PPP3CA: variants seen among roughly 807,000 people sequenced by gnomAD.
PPP3CA encodes protein phosphatase 3 catalytic subunit alpha, also known as CAM-PRP catalytic subunit.
A neutral mutation model predicts 66.5 loss-of-function variants in PPP3CA; 14 were observed. The observed-to-expected ratio is 0.21, with a 90% CI of 0.14 to 0.33. PPP3CA has a LOEUF of 0.33. Among genes scored for constraint, PPP3CA ranks in the 10% least tolerant of loss-of-function variants. The pLI, the probability that PPP3CA is intolerant of heterozygous loss-of-function variation, is 1.00. For synonymous variants in PPP3CA, 232 were observed against 226.2 expected, an observed-to-expected ratio of 1.03 and a Z score of -0.23; for missense variants, 317 against 639.5, an observed-to-expected ratio of 0.50 and a Z score of 5.44.
At chr4:101,079,736 T>A (rs1268148835) in intron 8 of PPP3CA, among the ~76,000 whole-genome samples, 1 of 152,242 alleles carries the variant, frequency 6.6e-6, no homozygotes, top group Non-Finnish European at 1.5e-5. Flanking sequence ...GTGACACATG[T>A]GGAACACTTT....
chr4:101,251,149 A>G (rs1419545970), intron 1 of PPP3CA, among the ~76,000 whole-genome samples: 1 of 151,994 alleles, frequency 6.6e-6, no homozygotes, highest in African/African-American at 2.4e-5. Flanking sequence ...CTTAGCTCTC[A>G]TGGGCTCATA....
rs1436141239 is a variant in PPP3CA, at chr4:101,023,934, ACT to A, written c.*1929_*1930del. On this transcript the variant is annotated 3_prime_UTR_variant, in exon 14 of 14. Transcript: ENST00000394854. ...CAAATTTCTTGTTAATACAAATGCA[ACT>A]CTTTTCTGTGATGAAAATGCACTTA... The A allele has an allele frequency of 3.3e-5, 5 of 152,510 alleles. No homozygotes were observed. Among genetic ancestry groups the A allele is most frequent in the Non-Finnish European group, 7.4e-5 (5 of 68,004 alleles). 9.4% of individuals were successfully genotyped at this position (152,510 alleles called of 1,614,324 possible).
chr4:101,049,091 A>T (rs2141145), intron 10 of PPP3CA, among the ~76,000 whole-genome samples: 81,458 of 151,894 alleles, frequency 0.54, 22,474 homozygotes, highest in East Asian at 0.88. Context: ...AATGCCCAAT[A>T]ACTGTCATTA....
chr4:101,077,785 G>A (rs1729254404), intron 8 of PPP3CA, among the ~76,000 whole-genome samples: 1 of 149,360 alleles, frequency 6.7e-6, no homozygotes, highest in African/African-American at 2.5e-5. Flanking sequence ...CACAGTGAAA[G>A]AACTACAAAA....
chr4:101,127,584 G>A (rs542996753), intron 2 of PPP3CA, among the ~76,000 whole-genome samples: 39 of 152,210 alleles, frequency 2.6e-4, no homozygotes, highest in African/African-American at 6.0e-4. Context: ...AGAAGGCCCC[G>A]CCTACATCCT....
intron 2 of PPP3CA, among the ~76,000 whole-genome samples, chr4:101,133,899 T>C (rs1033427657): frequency 8.5e-5 from 13 of 152,068 alleles, no homozygotes; most frequent in Non-Finnish European, 1.8e-4. Context: ...AAAACAGATA[T>C]ATAGACCAAT....
At chr4:101,345,788 T>TTATCA (rs1462678275) in intron 1 of PPP3CA, among the ~76,000 whole-genome samples, 3 of 152,102 alleles carry the variant, frequency 2.0e-5, no homozygotes, top group Non-Finnish European at 4.4e-5. Flanking sequence ...TGCCAGGAGT[T>TTATCA]TATCATCCCG....
intron 2 of PPP3CA, among the ~76,000 whole-genome samples, chr4:101,143,226 C>T (rs1722865901): frequency 6.6e-6 from 1 of 152,166 alleles, no homozygotes; most frequent in Non-Finnish European, 1.5e-5. Context: ...TTTATTCCTA[C>T]CTAAAGCTAA....
chr4:101,085,001 T>C (rs1204028738), intron 6 of PPP3CA, among the ~76,000 whole-genome samples: 1 of 152,066 alleles, frequency 6.6e-6, no homozygotes, highest in Non-Finnish European at 1.5e-5. Context: ...AAAGTGAATA[T>C]ACGACCTTTC....
chr4:101,076,534 A>G (rs946430026), intron 8 of PPP3CA, among the ~76,000 whole-genome samples: 1 of 152,370 alleles, frequency 6.6e-6, no homozygotes, highest in East Asian at 1.9e-4. Context: ...GACCACCAAC[A>G]GAAGTCTTTA....
At chr4:101,259,379 G>A (rs1223949337) in intron 1 of PPP3CA, among the ~76,000 whole-genome samples, 1 of 151,774 alleles carries the variant, frequency 6.6e-6, no homozygotes, top group Non-Finnish European at 1.5e-5. Context: ...TCCACAATGA[G>A]CCTGGATGCC....
chr4:101,061,419 A>C (rs1728455972), intron 9 of PPP3CA, among the ~76,000 whole-genome samples: 1 of 152,118 alleles, frequency 6.6e-6, no homozygotes, highest in African/African-American at 2.4e-5. Flanking sequence ...GACAAATCAA[A>C]TATGTGGATG....
chr4:101,072,273 T>C (rs1373789720), intron 8 of PPP3CA, among the ~76,000 whole-genome samples: 2 of 152,188 alleles, frequency 1.3e-5, no homozygotes, highest in African/African-American at 4.8e-5. Context: ...CTTTTCTTAT[T>C]GAAGAATGGT....
chr4:101,321,981 A>G (rs1729054296), intron 1 of PPP3CA, among the ~76,000 whole-genome samples: 1 of 152,202 alleles, frequency 6.6e-6, no homozygotes, highest in Non-Finnish European at 1.5e-5. Context: ...AACTCCAATT[A>G]AGAATAAGAA....
At chr4:101,215,384 C>T (rs1366474111) in intron 1 of PPP3CA, among the ~76,000 whole-genome samples, 1 of 151,968 alleles carries the variant, frequency 6.6e-6, no homozygotes, top group Non-Finnish European at 1.5e-5. Flanking sequence ...CAGGTTTTTA[C>T]CAAAACACAG....
rs142110291 is a variant in PPP3CA, at chr4:101,294,730, T to C, written c.58+52009A>G. Among the ~76,000 whole-genome samples the C allele has an allele frequency of 4.0e-3, 605 of 150,926 alleles. 5 individuals carry two copies. The highest frequency in any genetic ancestry group is 0.021 in the East Asian group (108 of 5,112). On this transcript the variant is annotated intron_variant, in intron 1 of 13. Transcript: ENST00000394854. ...TGATAATTCTGTGTTGTGGGGGGAGTTCTATGCATTGTAGGATGTTTGGCA... is the reference window on the plus strand; with the variant it reads ...TGATAATTCTGTGTTGTGGGGGGAGCTCTATGCATTGTAGGATGTTTGGCA...
chr4:101,345,723 C>A (rs1729961697), intron 1 of PPP3CA, among the ~76,000 whole-genome samples: 1 of 152,218 alleles, frequency 6.6e-6, no homozygotes, highest in Non-Finnish European at 1.5e-5. Flanking sequence ...CAGCCTGTCC[C>A]CTTCCTCACT....
chr4:101,026,020 C>G lies in PPP3CA; in HGVS notation c.1411G>C (p.Glu471Gln). Residue 471 changes from glutamate (E) to glutamine (Q), a missense_variant, in exon 14 of 14, where the codon GAG becomes CAG. Transcript: ENST00000394854. ...ATTCGGTCTAAGCCCTTGGCTTCCT[C>G]GAAGCTAGTGATCTTATGTTGTGGT... ...FSPQHKITSF[E>Q]EAKGLDRINE... 6.2e-7 allele frequency: 1 copy of G among 1,610,524 alleles called. No individual in the cohort carries two copies. Among genetic ancestry groups the G allele is most frequent in the Non-Finnish European group, 8.5e-7 (1 of 1,178,920 alleles).
intron 12 of PPP3CA, among the ~76,000 whole-genome samples, chr4:101,030,217 A>ATGTT (rs1560569383): frequency 1.3e-5 from 2 of 152,158 alleles, no homozygotes; most frequent in Non-Finnish European, 2.9e-5. Flanking sequence ...TAACTCCAAA[A>ATGTT]TGTTTAATAT....
Sources: allele counts gnomAD v4.1 joint callset (sites outside exome capture counted in the v4.1 genomes callset), GRCh38; gene constraint gnomAD v4.1.1; transcripts MANE v1.5; gene names NCBI Gene and HGNC (gene_info 2026-07-23, HGNC 2026-07-21).